ANKRD30B: variants seen among roughly 807,000 people sequenced by gnomAD.
ANKRD30B encodes the protein ankyrin repeat domain 30B, also known as ankyrin repeat domain-containing protein 30B.
A neutral mutation model predicts 202.2 loss-of-function variants in ANKRD30B; 144 were observed. The observed-to-expected ratio is 0.71, with a 90% CI of 0.62 to 0.82. The LOEUF (loss-of-function observed/expected upper bound fraction) is 0.82. ANKRD30B is among the 40% of genes least tolerant of loss of function. The pLI is 0.00. For missense variants in ANKRD30B, 1,487 were observed against 1,669.1 expected, an observed-to-expected ratio of 0.89 and a Z score of 1.90; for synonymous variants, 508 against 561.3, an observed-to-expected ratio of 0.91 and a Z score of 1.34.
chr18:14,804,929 C>T (rs1300404299), intron 24 of ANKRD30B, among the ~76,000 whole-genome samples: 2 of 150,496 alleles, frequency 1.3e-5, no homozygotes, highest in African/African-American at 4.9e-5. Context: ...GAACTCACTT[C>T]GGAAGCATTT....
intron 18 of ANKRD30B, among the ~76,000 whole-genome samples, chr18:14,797,216 A>G (rs955172311): frequency 2.0e-5 from 3 of 152,056 alleles, no homozygotes; most frequent in Non-Finnish European, 4.4e-5. Flanking sequence ...GTACCCCCCC[A>G]TGCGTCTGTT....
intron 7 of ANKRD30B, among the ~76,000 whole-genome samples, chr18:14,768,104 C>G (rs1282222212): frequency 6.6e-6 from 1 of 151,968 alleles, no homozygotes; most frequent in Non-Finnish European, 1.5e-5. Context: ...TCAGCCCCAC[C>G]CCTCAACCTC....
At chr18:14,864,735 C>G in the ANKRD30B span, among the ~76,000 whole-genome samples, 3 of 152,000 alleles carry the variant, frequency 2.0e-5, no homozygotes, top group African/African-American at 7.2e-5. Context: ...TCTCCCCACT[C>G]CTGCTGCTCG....
chr18:14,819,602 C>A (rs1399027816), intron 30 of ANKRD30B, among the ~76,000 whole-genome samples: 5 of 152,128 alleles, frequency 3.3e-5, no homozygotes, highest in Non-Finnish European at 7.4e-5. Context: ...TTTCCCAGCA[C>A]CATTTATTAA....
At chr18:14,898,279 T>C in the ANKRD30B span, among the ~76,000 whole-genome samples, 1 of 152,126 alleles carries the variant, frequency 6.6e-6, no homozygotes, top group Non-Finnish European at 1.5e-5. Flanking sequence ...AAACCAGCAG[T>C]CAGGGGATGG....
the ANKRD30B span, among the ~76,000 whole-genome samples, chr18:14,921,437 A>G: frequency 6.6e-6 from 1 of 152,180 alleles, no homozygotes; most frequent in Admixed American, 6.5e-5. Flanking sequence ...GTTGTGGTGC[A>G]ACCAGGCTTC....
intron 30 of ANKRD30B, among the ~76,000 whole-genome samples, chr18:14,815,544 T>C (rs1970045484): frequency 6.6e-6 from 1 of 151,962 alleles, no homozygotes; most frequent in Non-Finnish European, 1.5e-5. Context: ...AGGCCTTTCA[T>C]GGGAGAAATG....
chr18:14,848,992 T>C lies in ANKRD30B; in HGVS notation c.3395+63T>C, dbSNP rs1399121799. On this transcript the variant is annotated intron_variant, in intron 40 of 43. Transcript: ENST00000690538. ...TTATACTAAAAGTATGTAGGATACTTTTTGTAAAAGCTGACTTACCTTCTG... is the reference window on the plus strand; with the variant it reads ...TTATACTAAAAGTATGTAGGATACTCTTTGTAAAAGCTGACTTACCTTCTG... 2.9e-6 allele frequency: 4 copies of C among 1,360,456 alleles called. No individual in the cohort carries two copies. In the East Asian group the frequency reaches 8.6e-5, roughly 29 times the overall value. 84.3% of individuals were successfully genotyped at this position (1,360,456 alleles called of 1,614,324 possible).
intron 16 of ANKRD30B, 106 bp from the exon 17 acceptor site, chr18:14,796,115 T>C: frequency 8.0e-7 from 1 of 1,255,624 alleles, no homozygotes. Flanking sequence ...GTAATCCCTT[T>C]TCAATCCAAG....
At chr18:14,755,822 G>C (rs1289540552) in intron 4 of ANKRD30B, among the ~76,000 whole-genome samples, 4 of 152,038 alleles carry the variant, frequency 2.6e-5, no homozygotes, top group Non-Finnish European at 5.9e-5. Context: ...ATTTGGGTTG[G>C]TTCCAAGTCT....
chr18:14,808,746 T>C lies in ANKRD30B; in HGVS notation c.2386+2T>C. 1 of 1,449,254 alleles carries C rather than the reference T, an allele frequency of 6.9e-7. No homozygotes were observed. The highest frequency in any genetic ancestry group is 2.5e-4 in the Middle Eastern group (1 of 4,056). The allele number at this position is 1,449,254 out of a possible 1,614,324, so 89.8% of individuals were successfully genotyped here. ...AGGACAGAGAAACACTCAAAGCAGG[T>C]AAATTTTGTAATTTAAATTTTAATC... On this transcript the variant is annotated splice_donor_variant, in intron 26 of 43. Coordinates refer to ENST00000690538, the MANE Select transcript of ANKRD30B (RefSeq NM_001367607.2). LOFTEE classifies it high-confidence loss of function.
chr18:14,894,808 A>G, the ANKRD30B span, among the ~76,000 whole-genome samples: 4 of 151,316 alleles, frequency 2.6e-5, no homozygotes, highest in Non-Finnish European at 4.4e-5. Flanking sequence ...ATACACCAAC[A>G]TATACATATA....
the ANKRD30B span, among the ~76,000 whole-genome samples, chr18:14,927,638 G>T: frequency 2.0e-5 from 3 of 152,228 alleles, no homozygotes; most frequent in South Asian, 6.2e-4. Context: ...ATCTGGATTT[G>T]GTCACCTCCT....
At chr18:14,768,392 C>A (rs762106301) in intron 7 of ANKRD30B, among the ~76,000 whole-genome samples, 2 of 152,090 alleles carry the variant, frequency 1.3e-5, no homozygotes, top group Non-Finnish European at 1.5e-5. Flanking sequence ...TTGGGGCACT[C>A]TAGTACGTTA....
chr18:14,819,287 G>A (rs1157149079), intron 30 of ANKRD30B, among the ~76,000 whole-genome samples: 11 of 151,084 alleles, frequency 7.3e-5, no homozygotes, highest in African/African-American at 1.9e-4. Context: ...AGTAGGTTGC[G>A]AAAATTTTCT....
chr18:14,819,480 G>A (rs763523743), intron 30 of ANKRD30B, among the ~76,000 whole-genome samples: 20 of 151,550 alleles, frequency 1.3e-4, no homozygotes, highest in African/African-American at 4.9e-4. Context: ...TTCTTCTAGG[G>A]TTTTTATGGT....
intron 30 of ANKRD30B, among the ~76,000 whole-genome samples, chr18:14,821,799 A>C (rs181957864): frequency 1.6e-4 from 25 of 152,310 alleles, no homozygotes; most frequent in African/African-American, 5.8e-4. Flanking sequence ...TTTTCTGTAT[A>C]AGTGGATCAG....
chr18:14,905,816 AT>A, the ANKRD30B span: 1 of 152,312 alleles, frequency 6.6e-6, no homozygotes, highest in African/African-American at 2.4e-5. Flanking sequence ...TCAAGCTGGA[AT>A]TTGGCATCTT....
rs773615053 is a variant in ANKRD30B, at chr18:14,822,514, A to T, written c.2670+3A>T. On this transcript the variant is annotated splice_donor_region_variant and intron_variant, in intron 31 of 43. Coordinates refer to ENST00000690538, the MANE Select transcript of ANKRD30B (RefSeq NM_001367607.2). ...CTGATAAAGATGGTCTTCTGAAGGT[A>T]ATAACTTTTATATTTTTATCTTGAA... 2.2e-6 allele frequency: 3 copies of T among 1,342,052 alleles called. No individual in the cohort carries two copies. 83.1% of individuals were successfully genotyped at this position (1,342,052 alleles called of 1,614,324 possible).
Sources: allele counts gnomAD v4.1 joint callset (sites outside exome capture counted in the v4.1 genomes callset), GRCh38; gene constraint gnomAD v4.1.1; transcripts MANE v1.5; gene names NCBI Gene and HGNC (gene_info 2026-07-23, HGNC 2026-07-21).